The following LMTK3 variants were observed in gnomAD, a reference collection of about 807,000 sequenced individuals.
LMTK3 encodes the protein lemur tail kinase 3.
In LMTK3, 27 loss-of-function variants were observed where a neutral mutation model predicts 116.7. The observed-to-expected ratio is 0.23, with a 90% CI of 0.17 to 0.32. The LOEUF (loss-of-function observed/expected upper bound fraction) is 0.32. Among genes scored for constraint, LMTK3 ranks in the 10% least tolerant of loss-of-function variants. The probability of loss-of-function intolerance (pLI) is 1.00; values close to 1 mark genes in which losing one functional copy is unlikely to be tolerated. For synonymous variants in LMTK3, 965 were observed against 971.0 expected (o/e 0.99, Z 0.11); for missense variants, 1,764 against 2,068.5 (o/e 0.85, Z 2.86).
chr19:48,492,208 T>C (rs1397390045), intron 12 of LMTK3, among the ~76,000 whole-genome samples: 1 of 152,188 alleles, frequency 6.6e-6, no homozygotes, highest in East Asian at 1.9e-4. Flanking sequence ...TCTTTTTGTT[T>C]TAGACAGAGT....
intron 5 of LMTK3, among the ~76,000 whole-genome samples, chr19:48,503,675 C>T (rs371161535): frequency 1.3e-5 from 2 of 152,142 alleles, no homozygotes; most frequent in East Asian, 1.9e-4. Context: ...GATAGAGCGC[C>T]GGCTCTTTGA....
chr19:48,499,977 G>T (rs1021850459), intron 10 of LMTK3, 60 bp from the exon 11 acceptor site: 2 of 1,479,888 alleles, frequency 1.4e-6, no homozygotes, highest in East Asian at 2.5e-5. Flanking sequence ...AAGAGACCCA[G>T]GGAGGGGACA....
Position 48,497,282 on chromosome 19 carries a change from A to G in LMTK3, c.3676+111T>C, listed in dbSNP as rs897665780. Reference sequence around the variant, plus strand: ...GAGCCCAGGTGGTGCAGGCTTCAGGACCTGCATTCATCACTGCCAGCCCGA... The same window carrying G: ...GAGCCCAGGTGGTGCAGGCTTCAGGGCCTGCATTCATCACTGCCAGCCCGA... On this transcript the variant is annotated intron_variant, in intron 11 of 14. Coordinates refer to ENST00000600059, the MANE Select transcript of LMTK3 (RefSeq NM_001388485.1). The surrounding 1 kb of genome is among the most constrained non-coding windows in gnomAD (Gnocchi z 5.7). 5.1e-6 allele frequency: 6 copies of G among 1,178,648 alleles called. No homozygotes were observed. The African/African-American group carries it at 8.0e-5, about 16-fold the overall frequency. The allele number at this position is 1,178,648 out of a possible 1,614,324, so 73.0% of individuals were successfully genotyped here.
In LMTK3 at chr19:48,498,765, C is replaced by G; in HGVS notation, c.2304G>C (p.Ala768=). 2.3e-6 allele frequency: 3 copies of G among 1,287,836 alleles called. No homozygotes were observed. Among genetic ancestry groups the G allele is most frequent in the Non-Finnish European group, 3.0e-6 (3 of 995,108 alleles). 79.8% of individuals were successfully genotyped at this position (1,287,836 alleles called of 1,614,324 possible). The stretch of plus-strand genomic sequence containing the variant: ...CCACGGCCGAAGGGGGGTCGGGGGA[C>G]GCGGCCGGGTCCGCGGGGGCCCGAG... The part of the protein sequence containing the change: ...PPPRAPADPA[A]SPDPPSAVAS... The change falls in exon 11 of 15, where the codon GCG becomes GCC. Residue 768 remains alanine (A), a synonymous_variant. Transcript: ENST00000600059.
Position 48,510,227 on chromosome 19 carries a change from C to T in LMTK3, c.211-54G>A, listed in dbSNP as rs1972633601. 3.8e-6 allele frequency: 6 copies of T among 1,567,206 alleles called. No homozygotes were observed. The East Asian group carries it at 9.1e-5, about 24-fold the overall frequency. On this transcript the variant is annotated intron_variant, in intron 2 of 14. Transcript: ENST00000600059. Reference sequence around the variant, plus strand: ...GGAGAACGCAGGGCTGAGAGACACGCCATCGTCTTTCTCTTAAGTTTGTCT... The same window carrying T: ...GGAGAACGCAGGGCTGAGAGACACGTCATCGTCTTTCTCTTAAGTTTGTCT...
At position 48,494,174 on chromosome 19, in the gene LMTK3, C is replaced by T; in HGVS notation, c.3677-65G>A. 1.0e-6 allele frequency: 1 copy of T among 1,004,286 alleles called. No individual in the cohort carries two copies. Among genetic ancestry groups the T allele is most frequent in the Non-Finnish European group, 1.2e-6 (1 of 812,186 alleles). 62.2% of individuals were successfully genotyped at this position (1,004,286 alleles called of 1,614,324 possible). On this transcript the variant is annotated intron_variant, in intron 11 of 14. Coordinates refer to ENST00000600059, the MANE Select transcript of LMTK3 (RefSeq NM_001388485.1). The surrounding 1 kb of genome is among the most constrained non-coding windows in gnomAD (Gnocchi z 4.0). ...AACTGAGGCAGGCCCTCCCACCTAG[C>T]TGTGTGGCCTCAGATAAGACCCCCG...
Position 48,510,527 on chromosome 19 carries a change from C to T in LMTK3, c.142G>A (p.Gly48Ser), listed in dbSNP as rs747692555. ...AGGAGGAAGATGAAGGCCAGCAGGC[C>T]GGAGCAGGAAATGAGGACCACAGCG... Reference protein sequence around the residue: ...PYAVVLISCSGLLAFIFLLLT... With the variant: ...PYAVVLISCSSLLAFIFLLLT... The change falls in exon 2 of 15, where the codon GGC becomes AGC. Residue 48 changes from glycine to serine, a missense_variant. Physicochemically the swap from Gly to Ser is moderately conservative, Grantham distance 56 (BLOSUM62 0). This residue lies in a region of LMTK3 where 271 missense variants were observed against 478.2 expected (regional missense o/e 0.57). Coordinates refer to ENST00000600059, the MANE Select transcript of LMTK3 (RefSeq NM_001388485.1). 1.3e-6 allele frequency: 2 copies of T among 1,599,954 alleles called. No individual in the cohort carries two copies. The highest frequency in any genetic ancestry group is 1.7e-5 in the Admixed American group (1 of 57,372).
At chr19:48,508,085 G>T (rs535317714) in intron 5 of LMTK3, among the ~76,000 whole-genome samples, 24 of 152,216 alleles carry the variant, frequency 1.6e-4, no homozygotes, top group Admixed American at 1.6e-3. Flanking sequence ...ATTGGCTTCC[G>T]TGGGGAGGGT....
In LMTK3 at chr19:48,499,110, G is replaced by C. The variant is rs1248628218; in HGVS notation, c.1959C>G (p.Asp653Glu). 5 of 1,558,994 alleles carry C rather than the reference G, an allele frequency of 3.2e-6. No homozygotes were observed. The highest frequency in any genetic ancestry group is 2.4e-5 in the East Asian group (1 of 41,848). Residue 653 changes from aspartate to glutamate, a missense_variant, in exon 11 of 15, where the codon GAC (aspartate) becomes GAG (glutamate). Asp to Glu is a conservative substitution (Grantham distance 45, BLOSUM62 2). Coordinates refer to ENST00000600059, the MANE Select transcript of LMTK3 (RefSeq NM_001388485.1). ...EEEEGSSPGE[D>E]SSSLGGGPSR... ...TTGGGCCACCTCCAAGGCTGCTGCTGTCTTCCCCTGGGGAGCTGCCCTCCT... is the reference window on the plus strand; with the variant it reads ...TTGGGCCACCTCCAAGGCTGCTGCTCTCTTCCCCTGGGGAGCTGCCCTCCT...
intron 4 of LMTK3, 149 bp downstream of exon 4, chr19:48,509,288 G>C: frequency 1.4e-6 from 1 of 705,272 alleles, no homozygotes; most frequent in Admixed American, 2.2e-5. Context: ...GAGCCGGTGA[G>C]AGGTGGACGG....
chr19:48,497,441 G>C lies in LMTK3; in HGVS notation c.3628C>G (p.Leu1210Val). The C allele has an allele frequency of 6.5e-7, 1 of 1,537,820 alleles. No individual in the cohort carries two copies. The highest frequency in any genetic ancestry group is 1.2e-5 in the South Asian group (1 of 81,604). The part of the protein sequence containing the change: ...PERKGPEMPR[L>V]FLDLGPPQGN... ...TGAGGGGGTCCCAAGTCCAAGAATA[G>C]TCGTGGCATCTCGGGGCCCTTCCTC... The change falls in exon 11 of 15, where the codon CTA (leucine) becomes GTA (valine). Residue 1210 changes from leucine to valine, a missense_variant. By Grantham distance (32) the Leu-to-Val change is conservative. Transcript: ENST00000600059. This position sits in a 1 kb window ranked among gnomAD's most constrained non-coding sequence, Gnocchi z 5.7.
intron 7 of LMTK3, among the ~76,000 whole-genome samples, chr19:48,501,920 C>A (rs1175893833): frequency 2.7e-5 from 4 of 147,414 alleles, no homozygotes; most frequent in African/African-American, 1.0e-4. Flanking sequence ...TTCCGTTCCT[C>A]TCCTGGACCC....
chr19:48,491,422 T>C lies in LMTK3; in HGVS notation c.4210A>G (p.Ser1404Gly). ...HPATPGDGFP[S>G]NDSGFGGSFE... ...TCCTCACCAAAGCCGCTGTCGTTGC[T>C]GGGAAACCCATCTCCGGGGGTGGCG... Residue 1404 changes from serine (S) to glycine (G), a missense_variant, in exon 13 of 15, where the codon AGC (serine) becomes GGC (glycine). Ser to Gly is a moderately conservative substitution (Grantham distance 56). Transcript: ENST00000600059. This position sits in a 1 kb window ranked among gnomAD's most constrained non-coding sequence, Gnocchi z 5.1. 2.1e-6 allele frequency: 3 copies of C among 1,406,210 alleles called. No homozygotes were observed. The highest frequency in any genetic ancestry group is 2.8e-6 in the Non-Finnish European group (3 of 1,078,470). The allele number at this position is 1,406,210 out of a possible 1,614,324, so 87.1% of individuals were successfully genotyped here.
chr19:48,486,215 A>G (rs558220610), intron 14 of LMTK3, among the ~76,000 whole-genome samples: 23 of 147,604 alleles, frequency 1.6e-4, no homozygotes, highest in Admixed American at 3.4e-4. Flanking sequence ...GCCCGCCACT[A>G]CGCCCGGCTA....
chr19:48,510,025 G>A lies in LMTK3; in HGVS notation c.359C>T (p.Ser120Leu). ...CTGGTCATGGCGTGGGGCAGTACCT[G>A]AGTGTGAAGGCTGCGGGGCAGGCAT... ...LPMPAPQPSHSDMTTPLGLSR... is the reference protein window; with the variant it reads ...LPMPAPQPSHLDMTTPLGLSR... Residue 120 changes from serine to leucine, a missense_variant and splice_region_variant, in exon 3 of 15, where the codon TCA (serine) becomes TTA (leucine). This residue lies in a region of LMTK3 where 271 missense variants were observed against 478.2 expected (regional missense o/e 0.57). Transcript: ENST00000600059. 1 of 1,613,926 alleles carries A rather than the reference G, an allele frequency of 6.2e-7. No homozygotes were observed. The highest frequency in any genetic ancestry group is 8.5e-7 in the Non-Finnish European group (1 of 1,179,876).
At chr19:48,505,516 G>A (rs1380730418) in intron 5 of LMTK3, among the ~76,000 whole-genome samples, 1 of 152,124 alleles carries the variant, frequency 6.6e-6, no homozygotes, top group African/African-American at 2.4e-5. Flanking sequence ...CTTGAACCTA[G>A]AAGTTTGAGA....
chr19:48,505,860 TA>T (rs760562019), intron 5 of LMTK3, among the ~76,000 whole-genome samples: 5,760 of 93,128 alleles, frequency 0.062, 156 homozygotes, highest in Middle Eastern at 0.17. Flanking sequence ...AAACTCTGTC[TA>T]AAAAAAAAAA....
Position 48,501,143 on chromosome 19 carries a change from G to T in LMTK3, c.1004C>A (p.Ser335Tyr). Residue 335 changes from serine to tyrosine, a missense_variant and splice_region_variant, in exon 10 of 15, where the codon TCC becomes TAC. Ser to Tyr is a moderately radical substitution (Grantham distance 144). This residue lies in a region of LMTK3 where 271 missense variants were observed against 478.2 expected (regional missense o/e 0.57). Transcript: ENST00000600059. ...VDQSRESNIWSLGVTLWELFE... is the reference protein window; with the variant it reads ...VDQSRESNIWYLGVTLWELFE... The stretch of plus-strand genomic sequence containing the variant: ...CAGCTCCCACAGGGTCACCCCCAGG[G>T]ACCTGCAGAGAGCAGAGAGAGGTCA... 6.2e-7 allele frequency: 1 copy of T among 1,611,154 alleles called. No individual in the cohort carries two copies. Among genetic ancestry groups the T allele is most frequent in the South Asian group, 1.1e-5 (1 of 90,644 alleles).
At chr19:48,509,603 G>A (rs1054521401) in intron 3 of LMTK3, 90 bp from the exon 4 acceptor site, 5 of 1,064,626 alleles carry the variant, frequency 4.7e-6, no homozygotes, top group Non-Finnish European at 6.7e-6. Context: ...CTGAGACAGA[G>A]CAGACATCAC....
Sources: allele counts gnomAD v4.1 joint callset (sites outside exome capture counted in the v4.1 genomes callset), GRCh38; gene constraint gnomAD v4.1.1; regional missense constraint gnomAD v4.1.1; non-coding constraint Gnocchi (gnomAD v3.1); transcripts MANE v1.5; gene names NCBI Gene and HGNC (gene_info 2026-07-23, HGNC 2026-07-21).